NCAM2: variants seen among roughly 807,000 people sequenced by gnomAD.
The protein encoded by NCAM2 is N-CAM-2.
Under a neutral mutation model 98.1 loss-of-function variants are expected in NCAM2, and 30 were observed. The ratio of observed to expected loss-of-function variants is 0.31; its 90% confidence interval spans 0.23 to 0.41. The LOEUF is 0.41. Among genes scored for constraint, NCAM2 ranks in the 10% least tolerant of loss-of-function variants. NCAM2 has a pLI of 1.00. For missense variants in NCAM2, 867 were observed against 1,005.8 expected, an observed-to-expected ratio of 0.86 and a Z score of 1.87; for synonymous variants, 368 against 342.4, an observed-to-expected ratio of 1.07 and a Z score of -0.83.
intron 5 of NCAM2, among the ~76,000 whole-genome samples, 188 bp from the exon 6 acceptor site, chr21:21,324,195 A>C (rs1220741449): frequency 6.6e-6 from 1 of 152,164 alleles, no homozygotes; most frequent in African/African-American, 2.4e-5. Flanking sequence ...AAGTATAATA[A>C]AAATAAAATA....
At chr21:21,145,335 C>T (rs762782142) in intron 1 of NCAM2, among the ~76,000 whole-genome samples, 8 of 151,814 alleles carry the variant, frequency 5.3e-5, no homozygotes, top group Admixed American at 2.0e-4. Flanking sequence ...TGTCCTTCAC[C>T]GTCTTGAGCA....
At chr21:21,001,069 T>G (rs968753249) in intron 1 of NCAM2, among the ~76,000 whole-genome samples, 2 of 152,190 alleles carry the variant, frequency 1.3e-5, no homozygotes, top group East Asian at 1.9e-4. Context: ...TGATTGAAGC[T>G]ATTGCTTTGG....
chr21:21,339,928 T>A (rs1363155656), intron 8 of NCAM2, among the ~76,000 whole-genome samples: 1 of 151,852 alleles, frequency 6.6e-6, no homozygotes, highest in Non-Finnish European at 1.5e-5. Flanking sequence ...TTTTATATAT[T>A]CAAGTTGAAA....
intron 1 of NCAM2, among the ~76,000 whole-genome samples, chr21:21,069,007 A>G (rs1304818378): frequency 6.6e-6 from 1 of 152,176 alleles, no homozygotes; most frequent in Non-Finnish European, 1.5e-5. Context: ...TTCCAAAGGG[A>G]TGCAATTTCA....
chr21:21,499,030 G>A (rs1308152806), intron 15 of NCAM2, among the ~76,000 whole-genome samples: 1 of 151,976 alleles, frequency 6.6e-6, no homozygotes, highest in Non-Finnish European at 1.5e-5. Context: ...TTAAAAAGAT[G>A]AAGAAAAATT....
chr21:21,257,925 G>C (rs62209213), intron 1 of NCAM2, among the ~76,000 whole-genome samples: 7 of 152,190 alleles, frequency 4.6e-5, no homozygotes, highest in African/African-American at 1.4e-4. Flanking sequence ...CACACGTATG[G>C]TGAAGAGGTG....
At chr21:21,131,436 G>T (rs2066934032) in intron 1 of NCAM2, among the ~76,000 whole-genome samples, 1 of 152,054 alleles carries the variant, frequency 6.6e-6, no homozygotes, top group Non-Finnish European at 1.5e-5. Context: ...ACCACACTGG[G>T]CTAATTTTGT....
chr21:21,081,000 C>T (rs979009159), intron 1 of NCAM2, among the ~76,000 whole-genome samples: 8 of 152,066 alleles, frequency 5.3e-5, no homozygotes, highest in South Asian at 2.1e-4. Context: ...ATCAAGTGCA[C>T]GGTTTGACCT....
At chr21:21,071,870 C>CTATCTAT (rs2065572823) in intron 1 of NCAM2, among the ~76,000 whole-genome samples, 60 of 138,172 alleles carry the variant, frequency 4.3e-4, no homozygotes, top group African/African-American at 9.8e-4. Flanking sequence ...GTCATGTCTG[C>CTATCTAT]CTATCTATCT....
rs568653957 is a variant in NCAM2 at position 21,096,655 on chromosome 21, T to C, written c.55+98037T>C. On this transcript the variant is annotated intron_variant, in intron 1 of 17. Transcript: ENST00000400546. ...ATCTTTTCTATGCCTTGTTCGATGG[T>C]TATGTATCTTTCTAAGTTTGGATCA... Among the ~76,000 whole-genome samples, 2 of 151,842 alleles carry C rather than the reference T, an allele frequency of 1.3e-5. 1 individual carries two copies. Among genetic ancestry groups the C allele is most frequent in the East Asian group, 3.9e-4 (2 of 5,172 alleles).
chr21:21,458,590 T>A (rs762241596), intron 12 of NCAM2, among the ~76,000 whole-genome samples: 37 of 152,224 alleles, frequency 2.4e-4, no homozygotes, highest in Admixed American at 6.5e-4. Context: ...AAAAGTGACA[T>A]ATGTATAAAC....
At chr21:21,279,301 A>AT (rs1348658619) in intron 1 of NCAM2, among the ~76,000 whole-genome samples, 4 of 152,058 alleles carry the variant, frequency 2.6e-5, no homozygotes, top group African/African-American at 9.7e-5. Context: ...GGGTTGACTG[A>AT]TTTTATACCC....
rs1359042909 is a variant in NCAM2 at position 21,234,016 on chromosome 21, A to T, written c.56-46562A>T. On this transcript the variant is annotated intron_variant, in intron 1 of 17. Coordinates refer to ENST00000400546, the MANE Select transcript of NCAM2 (RefSeq NM_004540.5). Reference sequence around the variant, plus strand: ...ATTTAAGAGCGTATAAAAGTTCATAATTTTTACATTTACAAGTGCTCAATT... The same window carrying T: ...ATTTAAGAGCGTATAAAAGTTCATATTTTTTACATTTACAAGTGCTCAATT... 2.0e-5 allele frequency among the ~76,000 whole-genome samples: 3 copies of T among 151,788 alleles called. No homozygotes were observed. In the East Asian group the frequency reaches 5.8e-4, roughly 29 times the overall value.
chr21:21,258,696 C>A (rs1162768975), intron 1 of NCAM2, among the ~76,000 whole-genome samples: 4 of 152,130 alleles, frequency 2.6e-5, no homozygotes, highest in African/African-American at 9.7e-5. Flanking sequence ...AGGCGCCATA[C>A]TGTTTGTGCA....
intron 1 of NCAM2, among the ~76,000 whole-genome samples, chr21:21,129,571 C>T (rs1403318214): frequency 2.6e-5 from 4 of 152,114 alleles, no homozygotes; most frequent in Admixed American, 6.6e-5. Context: ...GAAAATTCAT[C>T]ATCAAGGCAC....
intron 1 of NCAM2, among the ~76,000 whole-genome samples, chr21:21,071,870 C>CCTAT (rs35549924): frequency 0.042 from 5,839 of 138,022 alleles, 171 homozygotes; most frequent in East Asian, 0.08. Flanking sequence ...GTCATGTCTG[C>CCTAT]CTATCTATCT....
At chr21:21,345,568 TAC>T (rs2147912092) in intron 8 of NCAM2, among the ~76,000 whole-genome samples, 1 of 151,132 alleles carries the variant, frequency 6.6e-6, no homozygotes, top group South Asian at 2.1e-4. Flanking sequence ...TACTTGAAAA[TAC>T]ACAGAGGAGA....
In NCAM2 at chr21:21,494,907, A is replaced by ACT. The variant is rs1555908259; in HGVS notation, c.2078-13944_2078-13943insCT. Among the ~76,000 whole-genome samples the ACT allele has an allele frequency of 4.6e-5, 7 of 151,642 alleles. No homozygotes were observed. In the Admixed American group the frequency reaches 4.6e-4, roughly 10 times the overall value. On this transcript the variant is annotated intron_variant, in intron 15 of 17. Coordinates refer to ENST00000400546, the MANE Select transcript of NCAM2 (RefSeq NM_004540.5). ...TTATGTATGAATTTGTTTTTAGCCA[A>ACT]TTTTTTTCAAAATAAGCACAGCTCA...
At chr21:21,160,346 A>AT (rs1036950050) in intron 1 of NCAM2, among the ~76,000 whole-genome samples, 2 of 151,964 alleles carry the variant, frequency 1.3e-5, no homozygotes, top group African/African-American at 4.8e-5. Flanking sequence ...TTGTTGTAGC[A>AT]TAAAATACTT....
Sources: gnomAD v4.1 joint callset for allele counts (sites outside exome capture counted in the v4.1 genomes callset) on GRCh38, gnomAD v4.1.1 for gene constraint, MANE v1.5 for transcripts, NCBI Gene and HGNC (gene_info 2026-07-23, HGNC 2026-07-21) for gene names.